MAGI1: variants seen among roughly 807,000 people sequenced by gnomAD.
MAGI1 encodes the protein membrane-associated guanylate kinase, WW and PDZ domain-containing protein 1.
In MAGI1, 58 loss-of-function variants were observed where a neutral mutation model predicts 139.9. That is an observed-to-expected ratio of 0.41 (90% CI 0.34 to 0.52). The LOEUF is 0.52. Among genes scored for constraint, MAGI1 ranks in the 20% least tolerant of loss-of-function variants. MAGI1 has a pLI of 0.12. For missense variants in MAGI1, 1,874 were observed against 1,901.6 expected, an observed-to-expected ratio of 0.99 and a Z score of 0.27; for synonymous variants, 812 against 737.9, an observed-to-expected ratio of 1.10 and a Z score of -1.63.
intron 2 of MAGI1, among the ~76,000 whole-genome samples, chr3:65,601,550 A>T (rs917943263): frequency 6.6e-6 from 1 of 152,174 alleles, no homozygotes; most frequent in Non-Finnish European, 1.5e-5. Context: ...TAGAAAATTC[A>T]ACAGTGTTGG....
intron 12 of MAGI1, among the ~76,000 whole-genome samples, chr3:65,415,899 C>T (rs144520305): frequency 7.9e-4 from 120 of 152,210 alleles, no homozygotes; most frequent in Middle Eastern, 3.4e-3. Context: ...CCAAAGTCTA[C>T]GTGAAAGTTG....
intron 1 of MAGI1, among the ~76,000 whole-genome samples, chr3:65,895,876 C>T (rs2060947939): frequency 6.6e-6 from 1 of 152,174 alleles, no homozygotes; most frequent in Non-Finnish European, 1.5e-5. Context: ...GTAATATTTC[C>T]CTGGAAAGCT....
At chr3:65,859,385 A>G (rs1057022812) in intron 1 of MAGI1, among the ~76,000 whole-genome samples, 2 of 151,682 alleles carry the variant, frequency 1.3e-5, no homozygotes, top group Admixed American at 6.6e-5. Context: ...CTGAAACTCC[A>G]TTTAGCATGG....
intron 2 of MAGI1, among the ~76,000 whole-genome samples, chr3:65,607,481 A>G (rs938570879): frequency 6.6e-6 from 1 of 152,142 alleles, no homozygotes; most frequent in African/African-American, 2.4e-5. Context: ...AAGTGCTTAC[A>G]GGAGTCCAAG....
rs771762712 is a variant in MAGI1 at position 65,442,784 on chromosome 3, G to A, written c.1136+8C>T. The A allele has an allele frequency of 3.1e-6, 5 of 1,606,396 alleles. No homozygotes were observed. The South Asian group carries it at 4.4e-5, about 14-fold the overall frequency. On this transcript the variant is annotated splice_region_variant and intron_variant, in intron 8 of 22. Transcript: ENST00000402939. ...AAACTAATGTGTGGATTGTGAATGGGCACTTACTCTACATAGTAGATACCA... is the reference window on the plus strand; with the variant it reads ...AAACTAATGTGTGGATTGTGAATGGACACTTACTCTACATAGTAGATACCA...
At chr3:65,577,804 T>C (rs562205922) in intron 2 of MAGI1, among the ~76,000 whole-genome samples, 1 of 152,134 alleles carries the variant, frequency 6.6e-6, no homozygotes, top group Non-Finnish European at 1.5e-5. Context: ...CATGGGAGGC[T>C]TCTGGGAACT....
chr3:65,376,840 A>G (rs1249691311), intron 17 of MAGI1, among the ~76,000 whole-genome samples: 1 of 152,218 alleles, frequency 6.6e-6, no homozygotes, highest in East Asian at 1.9e-4. Flanking sequence ...AAAGACCGAG[A>G]AAAGTGCATT....
intron 1 of MAGI1, among the ~76,000 whole-genome samples, chr3:65,940,587 C>T (rs2063263555): frequency 6.6e-6 from 1 of 152,168 alleles, no homozygotes; most frequent in Admixed American, 6.5e-5. Flanking sequence ...TTCCTTACAC[C>T]ATCACATTGA....
At chr3:65,871,977 T>C (rs2059954656) in intron 1 of MAGI1, among the ~76,000 whole-genome samples, 1 of 152,172 alleles carries the variant, frequency 6.6e-6, no homozygotes, top group Non-Finnish European at 1.5e-5. Flanking sequence ...TGCCTCCCAG[T>C]CTTCTGCAGT....
intron 1 of MAGI1, among the ~76,000 whole-genome samples, chr3:65,831,937 C>T (rs576357284): frequency 6.6e-6 from 1 of 152,344 alleles, no homozygotes; most frequent in South Asian, 2.1e-4. Context: ...CCTGGACTTA[C>T]TGAATGTTGA....
At chr3:65,979,088 T>TCCTCCCCCCCCCCCCCCCCC (rs1553742242) in intron 1 of MAGI1, among the ~76,000 whole-genome samples, 1 of 52,966 alleles carries the variant, frequency 1.9e-5, no homozygotes, top group Admixed American at 2.5e-4. Flanking sequence ...TTTCTTTTCT[T>TCCTCCCCCCCCCCCCCCCCC]CCCCCCCCCC....
intron 1 of MAGI1, among the ~76,000 whole-genome samples, chr3:65,811,774 A>G (rs1172741879): frequency 6.6e-6 from 1 of 151,962 alleles, no homozygotes; most frequent in Non-Finnish European, 1.5e-5. Flanking sequence ...GTACCAGTCC[A>G]TTCTTGCCCA....
intron 1 of MAGI1, among the ~76,000 whole-genome samples, chr3:65,819,650 G>A (rs943705348): frequency 7.2e-5 from 11 of 152,024 alleles, no homozygotes; most frequent in East Asian, 3.9e-4. Context: ...AGGCCAAGGC[G>A]GGTGGATCAT....
At chr3:65,896,393 C>T (rs1460490493) in intron 1 of MAGI1, among the ~76,000 whole-genome samples, 1 of 151,848 alleles carries the variant, frequency 6.6e-6, no homozygotes, top group East Asian at 1.9e-4. Context: ...GAAGAAAAAA[C>T]GACTTGAAAT....
intron 1 of MAGI1, among the ~76,000 whole-genome samples, chr3:65,920,889 C>T (rs1278297354): frequency 6.6e-6 from 1 of 151,992 alleles, no homozygotes; most frequent in African/African-American, 2.4e-5. Context: ...AGTAGCTGGG[C>T]CAGGTGGCGG....
chr3:65,951,676 C>T (rs2063869238), intron 1 of MAGI1, among the ~76,000 whole-genome samples: 1 of 152,050 alleles, frequency 6.6e-6, no homozygotes, highest in South Asian at 2.1e-4. Context: ...ACAAGTGGTT[C>T]GCATTATATT....
intron 2 of MAGI1, among the ~76,000 whole-genome samples, chr3:65,509,329 G>A (rs763148134): frequency 7.2e-5 from 11 of 152,158 alleles, no homozygotes; most frequent in East Asian, 1.9e-4. Context: ...GAACAGCTCC[G>A]GTCTACAGCT....
At chr3:65,465,469 T>C (rs971006939) in intron 5 of MAGI1, among the ~76,000 whole-genome samples, 5 of 152,092 alleles carry the variant, frequency 3.3e-5, no homozygotes, top group Admixed American at 6.6e-5. Flanking sequence ...AAGAATATTT[T>C]CATTTTCCCT....
At chr3:65,891,230 G>T (rs1035692819) in intron 1 of MAGI1, among the ~76,000 whole-genome samples, 2 of 150,330 alleles carry the variant, frequency 1.3e-5, no homozygotes, top group Non-Finnish European at 3.0e-5. Flanking sequence ...AAAAAAAAAG[G>T]AAAGAAAGAA....
Sources: allele counts gnomAD v4.1 joint callset (sites outside exome capture counted in the v4.1 genomes callset), GRCh38; gene constraint gnomAD v4.1.1; transcripts MANE v1.5; gene names NCBI Gene and HGNC (gene_info 2026-07-23, HGNC 2026-07-21).